PPA2: variants seen among roughly 807,000 people sequenced by gnomAD.
PPA2 encodes the protein inorganic pyrophosphatase 2, mitochondrial.
In PPA2, 48 loss-of-function variants were observed where a neutral mutation model predicts 49.5. The ratio of observed to expected loss-of-function variants is 0.97; its 90% CI spans 0.77 to 1.23. PPA2 has a LOEUF of 1.23. PPA2 is among the 50% of genes most tolerant of loss of function. The probability of loss-of-function intolerance (pLI) is 0.00; values close to 1 mark genes in which losing one functional copy is unlikely to be tolerated. For missense variants in PPA2, 429 were observed against 410.1 expected, an observed-to-expected ratio of 1.05 and a Z score of -0.40; for synonymous variants, 131 against 139.9, an observed-to-expected ratio of 0.94 and a Z score of 0.45.
chr4:105,436,603 C>G lies in PPA2; in HGVS notation c.528+1347G>C, dbSNP rs145150584. Among the ~76,000 whole-genome samples, 9 of 152,174 alleles carry G rather than the reference C, an allele frequency of 5.9e-5. No homozygotes were observed. The East Asian group carries it at 1.5e-3, about 26-fold the overall frequency. ...GCTGTAGTACTGGTATAAAAATAAA[C>G]ATGGTACTGGTACAAAAATAAACAC... On this transcript the variant is annotated intron_variant, in intron 6 of 11. Transcript: ENST00000341695.
At chr4:105,473,783 C>T (rs777372022) in intron 1 of PPA2, 111 bp downstream of exon 1, 10 of 1,456,434 alleles carry the variant, frequency 6.9e-6, no homozygotes, top group African/African-American at 2.8e-5. Context: ...CCGCTGAGGG[C>T]CCCAAAAAGA....
chr4:105,414,184 C>A (rs1722894356), intron 7 of PPA2, among the ~76,000 whole-genome samples: 1 of 152,114 alleles, frequency 6.6e-6, no homozygotes, highest in African/African-American at 2.4e-5. Flanking sequence ...AAATAATAAA[C>A]TATTATTTAG....
chr4:105,420,407 G>A (rs1285795314), intron 7 of PPA2, among the ~76,000 whole-genome samples: 1 of 152,048 alleles, frequency 6.6e-6, no homozygotes, highest in Non-Finnish European at 1.5e-5. Context: ...TGCCGGCCAA[G>A]GATTTACTTT....
At chr4:105,467,815 G>T (rs967698710) in intron 1 of PPA2, among the ~76,000 whole-genome samples, 1 of 152,194 alleles carries the variant, frequency 6.6e-6, no homozygotes, top group African/African-American at 2.4e-5. Context: ...AGCAACTAAA[G>T]AGAGAAACAA....
At chr4:105,409,399 G>A (rs6824197) in intron 7 of PPA2, among the ~76,000 whole-genome samples, 2,101 of 152,350 alleles carry the variant, frequency 0.014, 49 homozygotes, top group African/African-American at 0.046. Flanking sequence ...CGGCCTGGAA[G>A]CTCAAACTGG....
intron 1 of PPA2, among the ~76,000 whole-genome samples, chr4:105,466,805 C>A (rs552393050): frequency 2.0e-5 from 3 of 152,294 alleles, no homozygotes; most frequent in African/African-American, 7.2e-5. Flanking sequence ...TCTGCACACA[C>A]AGTAGCCTCC....
chr4:105,448,772 TAAAC>T (rs1450803196), intron 4 of PPA2, among the ~76,000 whole-genome samples: 1 of 151,714 alleles, frequency 6.6e-6, no homozygotes, highest in Non-Finnish European at 1.5e-5. Context: ...AGAATCTACT[TAAAC>T]AACCTTTAAA....
At position 105,437,915 on chromosome 4, in the gene PPA2, C is replaced by T. The variant is rs199503096; in HGVS notation, c.528+35G>A. The stretch of plus-strand genomic sequence containing the variant: ...ATTTTATGGCATGAATAAACCAAAA[C>T]TCACGTTAGAATTAATACAGTCTAT... On this transcript the variant is annotated intron_variant, in intron 6 of 11. Transcript: ENST00000341695. 4.6e-6 allele frequency: 7 copies of T among 1,515,620 alleles called. No homozygotes were observed. The East Asian group carries it at 1.4e-4, about 31-fold the overall frequency. The allele number at this position is 1,515,620 out of a possible 1,614,324, so 93.9% of individuals were successfully genotyped here.
chr4:105,467,364 T>C (rs1187417495), intron 1 of PPA2, among the ~76,000 whole-genome samples: 1 of 152,146 alleles, frequency 6.6e-6, no homozygotes, highest in Admixed American at 6.5e-5. Flanking sequence ...ACATGGCATG[T>C]CTGAGAAACA....
intron 7 of PPA2, among the ~76,000 whole-genome samples, chr4:105,404,035 G>T (rs1483936764): frequency 2.0e-5 from 3 of 151,514 alleles, no homozygotes; most frequent in African/African-American, 7.3e-5. Flanking sequence ...TAATAGTAAT[G>T]ATATGACTTC....
At chr4:105,403,614 A>C (rs771147728) in intron 7 of PPA2, among the ~76,000 whole-genome samples, 1 of 152,166 alleles carries the variant, frequency 6.6e-6, no homozygotes, top group Non-Finnish European at 1.5e-5. Context: ...GACAAATCTT[A>C]AGGTTCCATT....
rs70964652 is a variant in PPA2 at position 105,379,630 on chromosome 4, ATTTTT to A, written c.939+6932_939+6936del. Among the ~76,000 whole-genome samples, 227 of 127,664 alleles carry A rather than the reference ATTTTT, an allele frequency of 1.8e-3. 1 individual carries two copies. Among genetic ancestry groups the A allele is most frequent in the Middle Eastern group, 3.9e-3 (1 of 256 alleles). The allele number at this position is 127,664 out of a possible 152,430, so 83.8% of individuals were successfully genotyped here. A position where few individuals can be genotyped will look rare whatever the true frequency, so the allele number is the denominator to read the frequency against. ...AGGCACCCGCCACCACGCCTGGCTA[ATTTTT>A]TTTTTTTTTTTTTTTTGAGACAGAG... is the stretch of plus-strand genomic sequence containing the variant. On this transcript the variant is annotated intron_variant, in intron 10 of 11. Transcript: ENST00000341695.
At chr4:105,433,721 C>A (rs58541886) in intron 6 of PPA2, among the ~76,000 whole-genome samples, 1,908 of 152,290 alleles carry the variant, frequency 0.013, 45 homozygotes, top group African/African-American at 0.041. Flanking sequence ...CCCTGCCCTC[C>A]GGCATGCTTC....
chr4:105,399,975 G>T (rs73838086), intron 7 of PPA2, among the ~76,000 whole-genome samples: 1,595 of 152,134 alleles, frequency 0.01, 29 homozygotes, highest in African/African-American at 0.034. Context: ...TGCCCAGTGT[G>T]GCCACATTCT....
intron 1 of PPA2, among the ~76,000 whole-genome samples, chr4:105,471,435 C>T (rs1438696106): frequency 3.9e-5 from 6 of 152,176 alleles, no homozygotes; most frequent in African/African-American, 1.4e-4. Flanking sequence ...CATTTACAGA[C>T]ATGAAGCTCG....
chr4:105,416,670 T>G (rs932362155), intron 7 of PPA2, among the ~76,000 whole-genome samples: 3 of 152,206 alleles, frequency 2.0e-5, no homozygotes, highest in African/African-American at 7.2e-5. Context: ...TAGAGGTCCC[T>G]GCAAAGAGAA....
At chr4:105,384,527 T>C (rs1009380122) in intron 10 of PPA2, among the ~76,000 whole-genome samples, 2 of 152,170 alleles carry the variant, frequency 1.3e-5, no homozygotes. Flanking sequence ...TATTTATGAA[T>C]CTAAAACTGA....
intron 1 of PPA2, among the ~76,000 whole-genome samples, chr4:105,466,296 C>A (rs914838082): frequency 6.6e-6 from 1 of 151,476 alleles, no homozygotes; most frequent in African/African-American, 2.4e-5. Context: ...GTAAATATTT[C>A]TTGAATATAT....
intron 7 of PPA2, among the ~76,000 whole-genome samples, chr4:105,417,424 A>G (rs1723062189): frequency 6.6e-6 from 1 of 152,176 alleles, no homozygotes; most frequent in Non-Finnish European, 1.5e-5. Flanking sequence ...TCCACTCTAC[A>G]ATTTTAAGAA....
Sources: allele counts gnomAD v4.1 joint callset (sites outside exome capture counted in the v4.1 genomes callset), GRCh38; gene constraint gnomAD v4.1.1; transcripts MANE v1.5; gene names NCBI Gene and HGNC (gene_info 2026-07-23, HGNC 2026-07-21).